The following TBX20 variants were observed in gnomAD, a reference collection of about 807,000 sequenced individuals.
The protein encoded by TBX20 is T-box transcription factor TBX20.
Under a neutral mutation model 42.9 loss-of-function variants are expected in TBX20, and 8 were observed. That is an observed-to-expected ratio of 0.19 (90% CI 0.11 to 0.34). The LOEUF is 0.34. Among genes scored for constraint, TBX20 ranks in the 10% least tolerant of loss-of-function variants. The pLI, the probability that TBX20 is intolerant of heterozygous loss-of-function variation, is 1.00. For missense variants in TBX20, 411 were observed against 566.0 expected (o/e 0.73, Z 2.78); for synonymous variants, 198 against 222.8 (o/e 0.89, Z 0.99).
intron 5 of TBX20, among the ~76,000 whole-genome samples, chr7:35,236,262 A>G (rs552228421): frequency 1.1e-4 from 17 of 151,418 alleles, no homozygotes; most frequent in Non-Finnish European, 2.5e-4. Flanking sequence ...CTTAAGATAT[A>G]TGAAAGTGGT....
chr7:35,237,866 TA>T (rs34968469), intron 5 of TBX20, among the ~76,000 whole-genome samples: 55,236 of 150,320 alleles, frequency 0.37, 10,361 homozygotes, highest in Admixed American at 0.46. Flanking sequence ...CACATTTGTT[TA>T]AAAAAAAAAT....
chr7:35,207,551 T>C (rs575424314), intron 6 of TBX20, among the ~76,000 whole-genome samples: 6 of 152,228 alleles, frequency 3.9e-5, no homozygotes, highest in Non-Finnish European at 8.8e-5. Context: ...TATTTTAAGA[T>C]CTTTGCCTAG....
intron 2 of TBX20, 64 bp from the exon 3 acceptor site, chr7:35,248,905 G>C: frequency 6.3e-7 from 1 of 1,599,752 alleles, no homozygotes; most frequent in Non-Finnish European, 8.6e-7. Flanking sequence ...ACCTGAATTA[G>C]GAAGAGAGGA....
At position 35,253,727 on chromosome 7, in the gene TBX20, G is replaced by C. The variant is rs1213065883; in HGVS notation, c.-107C>G. ...ACACAGCTCAAAGTTTCCGAGAGCA[G>C]TCACAGCGGGGCCAGGGACTCCAGA... On this transcript the variant is annotated 5_prime_UTR_variant, in exon 1 of 8. Transcript: ENST00000408931. The C allele has an allele frequency of 3.8e-5, 56 of 1,459,032 alleles. No homozygotes were observed. The highest frequency in any genetic ancestry group is 5.0e-5 in the Non-Finnish European group (54 of 1,082,324). The allele number at this position is 1,459,032 out of a possible 1,614,324, so 90.4% of individuals were successfully genotyped here. A position where few individuals can be genotyped will look rare whatever the true frequency, so the allele number is the denominator to read the frequency against.
chr7:35,237,030 C>CT lies in TBX20; in HGVS notation c.813+3848dup, dbSNP rs1368670672. ...TTTTCAAAGTCAGTTTTTGATGACA[C>CT]TGTCAGTGGTCACTTCCTTGGCCTT... On this transcript the variant is annotated intron_variant, in intron 5 of 7. Transcript: ENST00000408931. Among the ~76,000 whole-genome samples the CT allele has an allele frequency of 3.1e-5, 4 of 130,494 alleles. No homozygotes were observed. In the East Asian group the frequency reaches 8.3e-4, roughly 27 times the overall value. 85.6% of individuals were successfully genotyped at this position (130,494 alleles called of 152,430 possible). A position where few individuals can be genotyped will look rare whatever the true frequency, so the allele number is the denominator to read the frequency against.
chr7:35,231,617 G>C (rs908967508), intron 5 of TBX20, 37 bp from the exon 6 acceptor site: 4 of 1,355,576 alleles, frequency 3.0e-6, no homozygotes, highest in Non-Finnish European at 3.2e-6. Flanking sequence ...TATCATTTAT[G>C]AGGTCAAGGA....
At position 35,253,775 on chromosome 7, in the gene TBX20, G is replaced by C. The variant is rs1412772691; in HGVS notation, c.-155C>G. The C allele has an allele frequency of 1.2e-5, 11 of 902,314 alleles. No individual in the cohort carries two copies. Among genetic ancestry groups the C allele is most frequent in the Non-Finnish European group, 1.8e-5 (11 of 603,786 alleles). 55.9% of individuals were successfully genotyped at this position (902,314 alleles called of 1,614,324 possible). On this transcript the variant is annotated 5_prime_UTR_variant, in exon 1 of 8. Transcript: ENST00000408931. ...AGAAGTGTCAGCTCCAACGACTCCA[G>C]AGCTGCACACTGGCCTCTATTCCCC... is the stretch of plus-strand genomic sequence containing the variant.
chr7:35,251,033 A>G (rs1790295456), intron 1 of TBX20, among the ~76,000 whole-genome samples: 1 of 152,178 alleles, frequency 6.6e-6, no homozygotes, highest in Non-Finnish European at 1.5e-5. Context: ...CAGTGTATTA[A>G]AGTGAGAAGA....
intron 5 of TBX20, among the ~76,000 whole-genome samples, chr7:35,235,624 CT>C (rs1408474715): frequency 6.6e-6 from 1 of 152,170 alleles, no homozygotes; most frequent in Admixed American, 6.5e-5. Context: ...TAGTGTGGGT[CT>C]ACATATATCC....
In TBX20 at chr7:35,250,073, G is replaced by T; in HGVS notation, c.258C>A (p.Ile86=). The part of the protein sequence containing the change: ...SSSSLCTEPL[I]PTTPIIPSEE... ...CACTGGGGATGATGGGGGTGGTGGGGATCAGTGGCTCAGTGCACAGAGAGG... is the reference window on the plus strand; with the variant it reads ...CACTGGGGATGATGGGGGTGGTGGGTATCAGTGGCTCAGTGCACAGAGAGG... Residue 86 remains isoleucine (I), a synonymous_variant, in exon 2 of 8, where the codon ATC becomes ATA. Transcript: ENST00000408931. The T allele has an allele frequency of 6.2e-7, 1 of 1,613,918 alleles. No homozygotes were observed. The highest frequency in any genetic ancestry group is 2.2e-5 in the East Asian group (1 of 44,860).
intron 6 of TBX20, among the ~76,000 whole-genome samples, chr7:35,205,984 A>C (rs1339805847): frequency 2.0e-5 from 3 of 152,244 alleles, no homozygotes; most frequent in Admixed American, 2.0e-4. Context: ...ACAGAATGTT[A>C]TGTAAAGTAT....
At chr7:35,250,960 A>T (rs952260332) in intron 1 of TBX20, among the ~76,000 whole-genome samples, 3 of 152,218 alleles carry the variant, frequency 2.0e-5, no homozygotes, top group Non-Finnish European at 4.4e-5. Flanking sequence ...GGTGAGGTAT[A>T]AAATTTTTCT....
At chr7:35,228,299 G>A (rs1789810540) in intron 6 of TBX20, among the ~76,000 whole-genome samples, 1 of 152,058 alleles carries the variant, frequency 6.6e-6, no homozygotes, top group South Asian at 2.1e-4. Context: ...AATAAAAAGT[G>A]TGCTGCAGAC....
At chr7:35,206,727 T>C (rs1377806999) in intron 6 of TBX20, among the ~76,000 whole-genome samples, 3 of 152,180 alleles carry the variant, frequency 2.0e-5, no homozygotes, top group Non-Finnish European at 2.9e-5. Context: ...AAACCACTAA[T>C]ATAATTTCTG....
Position 35,253,575 on chromosome 7 carries a change from T to C in TBX20, c.46A>G (p.Asn16Asp). ...ATGAGCGCGGCAATGGAGAAGGCGT[T>C]GGCCCGAGAGGAGAGTTGGGGCTTG... ...SPKPQLSSRA[N>D]AFSIAALMSS... The change falls in exon 1 of 8, where the codon AAC (asparagine) becomes GAC (aspartate). Residue 16 changes from asparagine (N) to aspartate (D), a missense_variant. By Grantham distance (23) the Asn-to-Asp change is conservative. Coordinates refer to ENST00000408931, the MANE Select transcript of TBX20 (RefSeq NM_001077653.2). 1.2e-6 allele frequency: 2 copies of C among 1,612,648 alleles called. No homozygotes were observed. Among genetic ancestry groups the C allele is most frequent in the Non-Finnish European group, 1.7e-6 (2 of 1,180,010 alleles).
chr7:35,231,615 A>G (rs111584874), intron 5 of TBX20, 35 bp from the exon 6 acceptor site: 2 of 1,389,668 alleles, frequency 1.4e-6, no homozygotes, highest in Admixed American at 3.4e-5. Flanking sequence ...AGTATCATTT[A>G]TGAGGTCAAG....
At chr7:35,219,799 T>C (rs1463268962) in intron 6 of TBX20, among the ~76,000 whole-genome samples, 2 of 152,234 alleles carry the variant, frequency 1.3e-5, no homozygotes, top group Admixed American at 6.5e-5. Context: ...CCCAGAATAT[T>C]AGATTTGCAA....
intron 6 of TBX20, among the ~76,000 whole-genome samples, chr7:35,215,993 C>T (rs1789582774): frequency 6.6e-6 from 1 of 152,158 alleles, no homozygotes; most frequent in Admixed American, 6.5e-5. Flanking sequence ...CTTTCCCTTC[C>T]CCTCACATTC....
intron 6 of TBX20, among the ~76,000 whole-genome samples, chr7:35,212,798 C>T (rs1398713689): frequency 6.6e-6 from 1 of 152,208 alleles, no homozygotes; most frequent in East Asian, 1.9e-4. Context: ...TTTTCAGATA[C>T]TCTTCCCTGC....
Sources: allele counts gnomAD v4.1 joint callset (sites outside exome capture counted in the v4.1 genomes callset), GRCh38; gene constraint gnomAD v4.1.1; transcripts MANE v1.5; gene names NCBI Gene and HGNC (gene_info 2026-07-23, HGNC 2026-07-21).